GPM6A: variants seen among roughly 807,000 people sequenced by gnomAD.
The protein encoded by GPM6A is neuronal membrane glycoprotein M6-a.
Under a neutral mutation model 32.1 loss-of-function variants are expected in GPM6A, and 7 were observed. The observed-to-expected ratio is 0.22, with a 90% CI of 0.12 to 0.41. GPM6A has a LOEUF of 0.41. Among genes scored for constraint, GPM6A ranks in the 10% least tolerant of loss-of-function variants. The probability of loss-of-function intolerance (pLI) is 1.00; values close to 1 mark genes in which losing one functional copy is unlikely to be tolerated. For synonymous variants in GPM6A, 130 were observed against 123.4 expected, an observed-to-expected ratio of 1.05 and a Z score of -0.35; for missense variants, 235 against 347.2, an observed-to-expected ratio of 0.68 and a Z score of 2.57.
intron 1 of GPM6A, chr4:175,787,548 A>G (rs1733850299): frequency 1.1e-5 from 16 of 1,417,250 alleles, no homozygotes; most frequent in Middle Eastern, 2.1e-4. Flanking sequence ...AACATCACCA[A>G]TGATTACATA....
chr4:175,706,701 T>A (rs1175148687), intron 1 of GPM6A, among the ~76,000 whole-genome samples: 1 of 152,182 alleles, frequency 6.6e-6, no homozygotes. Flanking sequence ...AGCAACTCCA[T>A]CTTGAATAGG....
chr4:175,927,728 T>C (rs994341736), intron 1 of GPM6A, among the ~76,000 whole-genome samples: 3 of 152,080 alleles, frequency 2.0e-5, no homozygotes, highest in East Asian at 1.9e-4. Context: ...CTATAAAAAA[T>C]AGAAAAATTA....
intron 1 of GPM6A, among the ~76,000 whole-genome samples, chr4:175,726,079 G>A (rs1159760825): frequency 2.9e-5 from 4 of 139,888 alleles, no homozygotes; most frequent in Admixed American, 1.6e-4. Flanking sequence ...TGCAAGCTTC[G>A]CCTCCCAGGT....
In GPM6A at chr4:175,928,571, T is replaced by C. The variant is rs7667923; in HGVS notation, c.-23+73738A>G. Among the ~76,000 whole-genome samples the C allele has an allele frequency of 6.6e-3, 1,004 of 151,802 alleles. 16 individuals are homozygous for C. Among genetic ancestry groups the C allele is most frequent in the African/African-American group, 0.023 (951 of 41,354 alleles). The stretch of plus-strand genomic sequence containing the variant: ...ATAAGGGCTTGGCACAAAAGAGGAG[T>C]GTATTGCAGAGTCATTTCAGAAAGA... On this transcript the variant is annotated intron_variant, in intron 1 of 7. Coordinates refer to the GPM6A transcript ENST00000280187.
intron 3 of GPM6A, among the ~76,000 whole-genome samples, chr4:175,669,474 C>T (rs1405414889): frequency 6.6e-6 from 1 of 152,144 alleles, no homozygotes; most frequent in East Asian, 1.9e-4. Context: ...TACCCCAAAT[C>T]TGCAATGCTC....
intron 1 of GPM6A, among the ~76,000 whole-genome samples, chr4:175,768,379 G>A (rs532306171): frequency 1.3e-5 from 2 of 152,168 alleles, no homozygotes; most frequent in East Asian, 3.9e-4. Context: ...TTCTTTCACT[G>A]AAAGAATAAA....
intron 1 of GPM6A, among the ~76,000 whole-genome samples, chr4:175,739,601 G>T (rs1291908293): frequency 6.6e-6 from 1 of 152,082 alleles, no homozygotes; most frequent in African/African-American, 2.4e-5. Context: ...TGGCTAAGCT[G>T]TTTTGTAAAC....
chr4:175,698,456 T>C (rs1329154301), intron 2 of GPM6A, among the ~76,000 whole-genome samples: 1 of 152,170 alleles, frequency 6.6e-6, no homozygotes, highest in African/African-American at 2.4e-5. Flanking sequence ...TCTGTTTGCT[T>C]ATTTTACATC....
intron 1 of GPM6A, among the ~76,000 whole-genome samples, chr4:175,918,915 G>T (rs575330219): frequency 1.3e-5 from 2 of 151,782 alleles, no homozygotes; most frequent in East Asian, 1.9e-4. Flanking sequence ...ATGAGCTACT[G>T]GTTTTTGTCT....
At chr4:175,957,848 C>T (rs1464732541) in intron 1 of GPM6A, among the ~76,000 whole-genome samples, 2 of 152,062 alleles carry the variant, frequency 1.3e-5, no homozygotes, top group African/African-American at 2.4e-5. Context: ...AACATATCAC[C>T]GATATTTCAC....
At chr4:175,654,259 TA>T (rs1741954290) in intron 3 of GPM6A, 1 of 152,158 alleles carries the variant, frequency 6.6e-6, no homozygotes, top group African/African-American at 2.4e-5. Context: ...CATTTAGCAA[TA>T]AAAGGGGGTC....
chr4:175,747,583 A>G (rs1286553980), intron 1 of GPM6A, among the ~76,000 whole-genome samples: 2 of 152,192 alleles, frequency 1.3e-5, no homozygotes, highest in East Asian at 3.9e-4. Context: ...AAAATATGCA[A>G]TAGCATTATG....
intron 1 of GPM6A, among the ~76,000 whole-genome samples, chr4:175,941,624 T>A (rs1435289739): frequency 6.6e-6 from 1 of 152,208 alleles, no homozygotes; most frequent in Non-Finnish European, 1.5e-5. Context: ...TTCCCCCTTA[T>A]GAGTGAGAAC....
At chr4:175,832,409 G>A (rs1211410977) in intron 1 of GPM6A, among the ~76,000 whole-genome samples, 1 of 152,156 alleles carries the variant, frequency 6.6e-6, no homozygotes, top group Middle Eastern at 3.4e-3. Flanking sequence ...GCTATTTTAA[G>A]GATTTTTCTT....
intron 1 of GPM6A, among the ~76,000 whole-genome samples, chr4:175,990,342 A>C (rs1741099900): frequency 6.6e-6 from 1 of 152,162 alleles, no homozygotes; most frequent in South Asian, 2.1e-4. Context: ...TCTCTTGATG[A>C]CTGCAGCCTC....
intron 1 of GPM6A, among the ~76,000 whole-genome samples, chr4:175,709,324 C>CCT (rs563345313): frequency 8.7e-5 from 13 of 149,072 alleles, no homozygotes; most frequent in Admixed American, 4.7e-4. Context: ...TCTACGTGGG[C>CCT]CTCTCTCTCT....
intron 1 of GPM6A, among the ~76,000 whole-genome samples, chr4:175,993,857 A>G (rs1198499535): frequency 1.3e-5 from 2 of 152,212 alleles, no homozygotes; most frequent in African/African-American, 4.8e-5. Context: ...AGAAAGGTAG[A>G]CTTTCATCAG....
intron 1 of GPM6A, among the ~76,000 whole-genome samples, chr4:175,779,180 G>A (rs1295935312): frequency 6.6e-6 from 1 of 152,098 alleles, no homozygotes; most frequent in Non-Finnish European, 1.5e-5. Context: ...TATCCTGTGA[G>A]CACTGCAGTT....
Position 175,887,185 on chromosome 4 carries a change from G to A in GPM6A, c.-22-74936C>T, listed in dbSNP as rs952469329. On this transcript the variant is annotated intron_variant, in intron 1 of 7. Coordinates refer to the GPM6A transcript ENST00000280187. ...TTTATAAACACCAATCAATTATCAA[G>A]CCATAAACTAAGTCACAACAGCTGC... Among the ~76,000 whole-genome samples, 3 of 151,846 alleles carry A rather than the reference G, an allele frequency of 2.0e-5. No homozygotes were observed. The South Asian group carries it at 6.2e-4, about 31-fold the overall frequency.
Sources: allele counts gnomAD v4.1 joint callset (sites outside exome capture counted in the v4.1 genomes callset), GRCh38; gene constraint gnomAD v4.1.1; transcripts MANE v1.5; gene names NCBI Gene and HGNC (gene_info 2026-07-23, HGNC 2026-07-21).